The following LYRM4 variants were observed in gnomAD, a reference collection of about 807,000 sequenced individuals.
The protein encoded by LYRM4 is LYR motif containing 4, also known as LYR motif-containing protein 4.
LYRM4 carries 9 observed loss-of-function variants against 11.7 expected under a neutral mutation model. The observed-to-expected ratio is 0.77, with a 90% confidence interval of 0.46 to 1.34. LYRM4 has a LOEUF of 1.34. Ranked by LOEUF, LYRM4 falls within the 40% of genes most tolerant of loss-of-function variation. The probability of loss-of-function intolerance (pLI) is 0.00; values close to 1 mark genes in which losing one functional copy is unlikely to be tolerated. For missense variants in LYRM4, 133 were observed against 112.5 expected (o/e 1.18, Z -0.82); for synonymous variants, 42 against 40.4 (o/e 1.04, Z -0.15).
the LYRM4 span, among the ~76,000 whole-genome samples, chr6:5,037,657 T>A: frequency 2.1e-5 from 1 of 46,966 alleles, no homozygotes. Flanking sequence ...CCCACCTCCC[T>A]CCCGGACGGG....
chr6:5,047,278 A>AT, the LYRM4 span, among the ~76,000 whole-genome samples: 1 of 152,146 alleles, frequency 6.6e-6, no homozygotes, highest in South Asian at 2.1e-4. Flanking sequence ...CTATCAGTGC[A>AT]TTTTCTGAAA....
chr6:5,246,150 A>G lies in LYRM4; in HGVS notation c.86+14498T>C, dbSNP rs552688849. ...AATAAAAATTTGCTAATAAGGAAGG[A>G]AAGTGTGTTCCAAACATAGGAAACA... On this transcript the variant is annotated intron_variant, in intron 1 of 2. Coordinates refer to ENST00000330636, the MANE Select transcript of LYRM4 (RefSeq NM_020408.6). 1.8e-3 allele frequency among the ~76,000 whole-genome samples: 279 copies of G among 152,334 alleles called. 2 individuals carry two copies. The highest frequency in any genetic ancestry group is 6.5e-3 in the African/African-American group (271 of 41,584).
the LYRM4 span, among the ~76,000 whole-genome samples, chr6:5,039,459 A>C: frequency 6.6e-6 from 1 of 152,196 alleles, no homozygotes; most frequent in African/African-American, 2.4e-5. Context: ...GGGTGGAATG[A>C]GGGTCAAAAG....
chr6:5,085,444 G>A, the LYRM4 span: 35 of 1,429,038 alleles, frequency 2.4e-5, 1 homozygote, highest in South Asian at 3.4e-4. Context: ...GTCTCCAGAG[G>A]GGCCCGGTTC....
intron 2 of LYRM4, among the ~76,000 whole-genome samples, chr6:5,132,217 A>G (rs912640351): frequency 1.3e-5 from 2 of 152,228 alleles, no homozygotes; most frequent in African/African-American, 4.8e-5. Context: ...GCATGTGCTA[A>G]GCTTACATGC....
intron 2 of LYRM4, among the ~76,000 whole-genome samples, chr6:5,168,883 T>C (rs1159799368): frequency 1.3e-5 from 2 of 152,216 alleles, no homozygotes; most frequent in South Asian, 2.1e-4. Flanking sequence ...GGCAAGAATA[T>C]ACTGCAAGAG....
chr6:5,255,438 C>T (rs1030446747), intron 1 of LYRM4, among the ~76,000 whole-genome samples: 1 of 152,072 alleles, frequency 6.6e-6, no homozygotes, highest in Non-Finnish European at 1.5e-5. Context: ...AATGGTTATT[C>T]TTCATAAAAG....
the LYRM4 span, among the ~76,000 whole-genome samples, chr6:5,044,063 G>T: frequency 6.6e-6 from 1 of 152,000 alleles, no homozygotes; most frequent in African/African-American, 2.4e-5. Context: ...AATCCTCTCC[G>T]TTGGCCTTAG....
chr6:5,245,113 AATATATATATATAT>A lies in LYRM4; in HGVS notation c.86+15521_86+15534del, dbSNP rs1158676783. Among the ~76,000 whole-genome samples, 105 of 24,082 alleles carry A rather than the reference AATATATATATATAT, an allele frequency of 4.4e-3. 2 individuals are homozygous for A. The highest frequency in any genetic ancestry group is 0.011 in the South Asian group (5 of 464). The allele number at this position is 24,082 out of a possible 152,430, so 15.8% of individuals were successfully genotyped here. Reference sequence around the variant, plus strand: ...TTAAAAAAAAAAAAAAAAAAAAAAAAATATATATATATATATATATATATATATATATATATATA... The same window carrying A: ...TTAAAAAAAAAAAAAAAAAAAAAAAAATATATATATATATATATATATATA... On this transcript the variant is annotated intron_variant, in intron 1 of 2. Coordinates refer to ENST00000330636, the MANE Select transcript of LYRM4 (RefSeq NM_020408.6).
chr6:5,206,270 C>T (rs887541673), intron 2 of LYRM4, among the ~76,000 whole-genome samples: 5 of 152,206 alleles, frequency 3.3e-5, no homozygotes, highest in African/African-American at 1.2e-4. Flanking sequence ...TCTTTATCCA[C>T]AGGAGGAAGC....
chr6:5,134,964 G>A (rs1362576422), intron 2 of LYRM4, among the ~76,000 whole-genome samples: 6 of 141,710 alleles, frequency 4.2e-5, no homozygotes, highest in Non-Finnish European at 9.3e-5. Flanking sequence ...ACTGTGGAGG[G>A]TGCGGATCGC....
chr6:5,127,673 A>G (rs1479708575), intron 2 of LYRM4, among the ~76,000 whole-genome samples: 1 of 152,210 alleles, frequency 6.6e-6, no homozygotes, highest in Non-Finnish European at 1.5e-5. Context: ...TTTTAAATAT[A>G]CTGGGTTAAA....
chr6:5,154,684 T>C lies in LYRM4; in HGVS notation c.208-45193A>G, dbSNP rs1365468811. ...ACACAAAAGAATTAGCCGGGCGTGG[T>C]GTCACGCGCCTGTAGTCCCAGCTAC... On this transcript the variant is annotated intron_variant, in intron 2 of 2. Coordinates refer to ENST00000330636, the MANE Select transcript of LYRM4 (RefSeq NM_020408.6). Among the ~76,000 whole-genome samples the C allele has an allele frequency of 1.3e-4, 20 of 152,226 alleles. 1 individual carries two copies. The East Asian group carries it at 3.9e-3, about 30-fold the overall frequency.
At chr6:5,146,408 ACAGAAATG>A (rs1012927245) in intron 2 of LYRM4, among the ~76,000 whole-genome samples, 57 of 152,232 alleles carry the variant, frequency 3.7e-4, no homozygotes, top group African/African-American at 1.3e-3. Context: ...TGGTGAAAAA[ACAGAAATG>A]CCGAGAAGTT....
intron 1 of LYRM4, chr6:5,218,532 AG>A: frequency 8.8e-6 from 2 of 228,382 alleles, no homozygotes; most frequent in South Asian, 1.6e-4. Flanking sequence ...TTATGATACT[AG>A]GAATCATAAA....
At chr6:5,179,683 T>G (rs184999204) in intron 2 of LYRM4, among the ~76,000 whole-genome samples, 1 of 152,356 alleles carries the variant, frequency 6.6e-6, no homozygotes, top group East Asian at 1.9e-4. Context: ...CATGGACACT[T>G]GGGTTACACC....
intron 2 of LYRM4, among the ~76,000 whole-genome samples, chr6:5,121,202 G>T (rs1382335023): frequency 6.6e-6 from 1 of 152,150 alleles, no homozygotes; most frequent in African/African-American, 2.4e-5. Flanking sequence ...TGGGTACATA[G>T]GGCCATGGAC....
intron 2 of LYRM4, among the ~76,000 whole-genome samples, chr6:5,179,065 C>CAAAACAAAAACAAAAAAAAAAAA (rs1561851701): frequency 2.9e-5 from 3 of 103,886 alleles, no homozygotes; most frequent in East Asian, 2.5e-4. Flanking sequence ...ACCAAAAAAA[C>CAAAACAAAAACAAAAAAAAAAAA]AAAAAAAAAA....
chr6:5,109,830 G>A (rs763694268), intron 2 of LYRM4, among the ~76,000 whole-genome samples: 2 of 152,240 alleles, frequency 1.3e-5, no homozygotes, highest in African/African-American at 4.8e-5. Flanking sequence ...TCTCCTAAGA[G>A]GGCTTCCTTC....
Sources: gnomAD v4.1 joint callset for allele counts (sites outside exome capture counted in the v4.1 genomes callset) on GRCh38, gnomAD v4.1.1 for gene constraint, MANE v1.5 for transcripts, NCBI Gene and HGNC (gene_info 2026-07-23, HGNC 2026-07-21) for gene names.